Variants in SEMA3F observed in about 807,000 individuals in gnomAD.
The protein encoded by SEMA3F is semaphorin-3F.
Under a neutral mutation model 98.5 loss-of-function variants are expected in SEMA3F, and 30 were observed. That is an observed-to-expected ratio of 0.30 (90% CI 0.23 to 0.41). The LOEUF is 0.41. Ranked by LOEUF, SEMA3F falls within the 10% of genes least tolerant of loss-of-function variation. The pLI, the probability that SEMA3F is intolerant of heterozygous loss-of-function variation, is 1.00. For missense variants in SEMA3F, 866 were observed against 1,119.3 expected, an observed-to-expected ratio of 0.77 and a Z score of 3.23; for synonymous variants, 380 against 444.8, an observed-to-expected ratio of 0.85 and a Z score of 1.83.
intron 2 of SEMA3F, among the ~76,000 whole-genome samples, chr3:50,162,494 G>A (rs1698245178): frequency 6.6e-6 from 1 of 152,216 alleles, no homozygotes; most frequent in African/African-American, 2.4e-5. Flanking sequence ...AGCCTGGGCT[G>A]GAAGCCTGGA....
Position 50,173,817 on chromosome 3 carries a change from A to G in SEMA3F, c.137A>G (p.His46Arg). 1 of 1,614,040 alleles carries G rather than the reference A, an allele frequency of 6.2e-7. No individual in the cohort carries two copies. Among genetic ancestry groups the G allele is most frequent in the Non-Finnish European group, 8.5e-7 (1 of 1,179,996 alleles). ...GAGCTGAAGGCCACAGGCACCGCCC[A>G]CTTCTTCAACTTCCTGCTCAACACA... ...FKELKATGTA[H>R]FFNFLLNTTD... The change falls in exon 3 of 19, where the codon CAC becomes CGC. Residue 46 changes from histidine to arginine, a missense_variant. His to Arg is a conservative substitution (Grantham distance 29, BLOSUM62 0). Coordinates refer to ENST00000002829, the MANE Select transcript of SEMA3F (RefSeq NM_004186.5).
chr3:50,170,790 G>T (rs911686038), intron 2 of SEMA3F, among the ~76,000 whole-genome samples: 3 of 151,910 alleles, frequency 2.0e-5, no homozygotes, highest in African/African-American at 7.3e-5. Context: ...ACCTCCTGGG[G>T]CTCCCCCTCC....
In SEMA3F at chr3:50,187,949, C is replaced by T. The variant is rs760965334; in HGVS notation, c.2192C>T (p.Ala731Val). The change falls in exon 19 of 19, where the codon GCC becomes GTC. Residue 731 changes from alanine (A) to valine (V), a missense_variant. Coordinates refer to ENST00000002829, the MANE Select transcript of SEMA3F (RefSeq NM_004186.5). Reference protein sequence around the residue: ...GPPTPPYQELAQLLAQPEVGL... With the variant: ...GPPTPPYQELVQLLAQPEVGL... Reference sequence around the variant, plus strand: ...CCAACGCCTCCTTACCAGGAGTTAGCCCAGCTGCTGGCCCAGCCAGAAGTG... The same window carrying T: ...CCAACGCCTCCTTACCAGGAGTTAGTCCAGCTGCTGGCCCAGCCAGAAGTG... 2 of 1,608,942 alleles carry T rather than the reference C, an allele frequency of 1.2e-6. No individual in the cohort carries two copies. The highest frequency in any genetic ancestry group is 1.3e-5 in the African/African-American group (1 of 74,898).
chr3:50,161,282 G>A (rs142693209), intron 2 of SEMA3F, among the ~76,000 whole-genome samples: 1 of 152,316 alleles, frequency 6.6e-6, no homozygotes, highest in African/African-American at 2.4e-5. Context: ...CTCCTTCTAA[G>A]CCTCCCTGGA....
chr3:50,182,806 G>C lies in SEMA3F; in HGVS notation c.903+23G>C, dbSNP rs1699064163. On this transcript the variant is annotated intron_variant, in intron 9 of 18. Coordinates refer to ENST00000002829, the MANE Select transcript of SEMA3F (RefSeq NM_004186.5). The surrounding 1 kb of genome is among the most constrained non-coding windows in gnomAD (Gnocchi z 4.5). Reference sequence around the variant, plus strand: ...CTGGTATGCATTGGCAGAGCCACCAGGCTGCCCCTTCCACCAGTTCTGGCT... The same window carrying C: ...CTGGTATGCATTGGCAGAGCCACCACGCTGCCCCTTCCACCAGTTCTGGCT... 6.2e-7 allele frequency: 1 copy of C among 1,611,514 alleles called. No homozygotes were observed. The highest frequency in any genetic ancestry group is 1.7e-5 in the Admixed American group (1 of 59,958).
intron 1 of SEMA3F, chr3:50,159,335 G>A: frequency 2.6e-6 from 1 of 382,604 alleles, no homozygotes; most frequent in Non-Finnish European, 4.6e-6. Context: ...ATGAGGGGTA[G>A]GGTTTGAGTC....
In SEMA3F at chr3:50,174,040, C is replaced by G; in HGVS notation, c.274-12C>G. ...TCCAGAAGGCTGCACCTTCTGACCCCCCTCTCTGCAGATACACTGGGCAGC... is the reference window on the plus strand; with the variant it reads ...TCCAGAAGGCTGCACCTTCTGACCCGCCTCTCTGCAGATACACTGGGCAGC... On this transcript the variant is annotated splice_polypyrimidine_tract_variant and intron_variant, in intron 3 of 18. Transcript: ENST00000002829. 6.2e-7 allele frequency: 1 copy of G among 1,614,110 alleles called. No individual in the cohort carries two copies.
Position 50,156,594 on chromosome 3 carries a change from C to T in SEMA3F, c.-49+1030C>T, listed in dbSNP as rs995801494. ...AACTGCACCCAGGGGTTGGGAGCCC[C>T]ATCTCAGCCCAGGGAGTTGGATGGA... is the stretch of plus-strand genomic sequence containing the variant. On this transcript the variant is annotated intron_variant, in intron 1 of 18. Transcript: ENST00000002829. The surrounding 1 kb of genome is among the most constrained non-coding windows in gnomAD (Gnocchi z 4.5). Among the ~76,000 whole-genome samples the T allele has an allele frequency of 6.6e-6, 1 of 152,188 alleles. No homozygotes were observed. Among genetic ancestry groups the T allele is most frequent in the African/African-American group, 2.4e-5 (1 of 41,422 alleles).
Position 50,166,164 on chromosome 3 carries a change from A to C in SEMA3F, c.112+6430A>C. ...CCTTTGCCACCCCTCTTGGCTTCCT[A>C]CCCGGACATGCTCTTTCCTCGGACG... On this transcript the variant is annotated intron_variant, in intron 2 of 18. Transcript: ENST00000002829. This position sits in a 1 kb window ranked among gnomAD's most constrained non-coding sequence, Gnocchi z 4.7. Among the ~76,000 whole-genome samples the C allele has an allele frequency of 1.5e-5, 2 of 129,100 alleles. No homozygotes were observed. The highest frequency in any genetic ancestry group is 3.1e-5 in the African/African-American group (1 of 32,660). The allele number at this position is 129,100 out of a possible 152,430, so 84.7% of individuals were successfully genotyped here.
chr3:50,175,307 C>A (rs1355683826), intron 6 of SEMA3F, 119 bp downstream of exon 6: 9 of 697,172 alleles, frequency 1.3e-5, no homozygotes, highest in Non-Finnish European at 2.3e-5. Flanking sequence ...TGCCCACACC[C>A]TGTCCCCACC....
chr3:50,183,583 C>T lies in SEMA3F; in HGVS notation c.1233+19C>T. On this transcript the variant is annotated intron_variant, in intron 12 of 18. Transcript: ENST00000002829. ...GGGCACGGTAAGGACCCCACTCATCCTGCCTCTCCCCTTTCTCTTCTTCTA... is the reference window on the plus strand; with the variant it reads ...GGGCACGGTAAGGACCCCACTCATCTTGCCTCTCCCCTTTCTCTTCTTCTA... 1.2e-6 allele frequency: 2 copies of T among 1,611,930 alleles called. No homozygotes were observed. Among genetic ancestry groups the T allele is most frequent in the Non-Finnish European group, 1.7e-6 (2 of 1,178,890 alleles).
intron 2 of SEMA3F, among the ~76,000 whole-genome samples, chr3:50,165,780 C>T (rs1465496137): frequency 6.6e-6 from 1 of 152,222 alleles, no homozygotes. Flanking sequence ...AGGCCTACAG[C>T]CCCCCACCCA....
At chr3:50,171,718 G>A (rs1351842274) in intron 2 of SEMA3F, among the ~76,000 whole-genome samples, 1 of 152,150 alleles carries the variant, frequency 6.6e-6, no homozygotes, top group Non-Finnish European at 1.5e-5. Flanking sequence ...GCAGCCAGGC[G>A]GGTGAGCGGC....
intron 18 of SEMA3F, 89 bp from the exon 19 acceptor site, chr3:50,187,616 A>G: frequency 8.7e-7 from 1 of 1,151,878 alleles, no homozygotes; most frequent in Admixed American, 2.5e-5. Flanking sequence ...CTCTACACGG[A>G]ATGGCCACAA....
chr3:50,159,598 T>G lies in SEMA3F; in HGVS notation c.-25T>G. ...AGGTTTCTAGAGAGTGGAGCCTGCT[T>G]CCTGGGCCCTAGGCCCCTCCCACAA... On this transcript the variant is annotated 5_prime_UTR_variant, in exon 2 of 19. Transcript: ENST00000002829. The G allele has an allele frequency of 6.9e-7, 1 of 1,440,174 alleles. No individual in the cohort carries two copies. Among genetic ancestry groups the G allele is most frequent in the Non-Finnish European group, 9.6e-7 (1 of 1,036,828 alleles). The allele number at this position is 1,440,174 out of a possible 1,614,324, so 89.2% of individuals were successfully genotyped here.
chr3:50,178,477 T>C (rs186968613), intron 7 of SEMA3F, among the ~76,000 whole-genome samples: 1 of 151,946 alleles, frequency 6.6e-6, no homozygotes, highest in African/African-American at 2.4e-5. Flanking sequence ...TCCTAGGACT[T>C]TGGGAGGCTG....
intron 7 of SEMA3F, among the ~76,000 whole-genome samples, chr3:50,180,832 C>T (rs7616128): frequency 3.3e-5 from 5 of 151,976 alleles, no homozygotes; most frequent in Admixed American, 6.5e-5. Flanking sequence ...TTTGGGAGGC[C>T]GAGGCAGGTG....
intron 1 of SEMA3F, among the ~76,000 whole-genome samples, chr3:50,157,335 C>A (rs894688515): frequency 6.6e-6 from 1 of 151,940 alleles, no homozygotes; most frequent in Non-Finnish European, 1.5e-5. Flanking sequence ...TCCGTCCCTC[C>A]CTCTCTCCTC....
chr3:50,181,214 A>C (rs976671348), intron 7 of SEMA3F, among the ~76,000 whole-genome samples: 1 of 152,186 alleles, frequency 6.6e-6, no homozygotes, highest in African/African-American at 2.4e-5. Context: ...CAGTATTTGC[A>C]GTGCACAAAG....
Sources: gnomAD v4.1 joint callset for allele counts (sites outside exome capture counted in the v4.1 genomes callset) on GRCh38, gnomAD v4.1.1 for gene constraint, Gnocchi (gnomAD v3.1) non-coding constraint, MANE v1.5 for transcripts, NCBI Gene and HGNC (gene_info 2026-07-23, HGNC 2026-07-21) for gene names.